The following CENPQ variants were observed in gnomAD, a reference collection of about 807,000 sequenced individuals.
CENPQ encodes centromere protein Q.
In CENPQ, 27 loss-of-function variants were observed where a neutral mutation model predicts 36.6. That is an observed-to-expected ratio of 0.74 (90% CI 0.54 to 1.02). The LOEUF (loss-of-function observed/expected upper bound fraction) is 1.02, where lower values mean the gene tolerates loss of function less well. CENPQ is among the 50% of genes least tolerant of loss of function. The probability of loss-of-function intolerance (pLI) is 0.00; values close to 1 mark genes in which losing one functional copy is unlikely to be tolerated. For synonymous variants in CENPQ, 101 were observed against 101.7 expected (o/e 0.99, Z 0.04); for missense variants, 306 against 301.8 (o/e 1.01, Z -0.10).
At chr6:49,465,412 A>C (rs537416702) in intron 1 of CENPQ, among the ~76,000 whole-genome samples, 2 of 152,368 alleles carry the variant, frequency 1.3e-5, no homozygotes, top group African/African-American at 2.4e-5. Context: ...ATTAGCCCCT[A>C]CAAGAGAGTC....
chr6:49,486,029 G>A (rs377464743), intron 6 of CENPQ, among the ~76,000 whole-genome samples: 46 of 152,112 alleles, frequency 3.0e-4, no homozygotes, highest in African/African-American at 9.9e-4. Context: ...ATCCTGTATC[G>A]TCACGGGTAC....
intron 8 of CENPQ, among the ~76,000 whole-genome samples, chr6:49,490,762 C>T (rs1768702075): frequency 6.6e-6 from 1 of 152,066 alleles, no homozygotes; most frequent in Non-Finnish European, 1.5e-5. Flanking sequence ...ATCGTTGTGT[C>T]ACAGGGAATA....
intron 5 of CENPQ, among the ~76,000 whole-genome samples, chr6:49,478,229 T>C (rs943209808): frequency 2.0e-5 from 3 of 152,236 alleles, no homozygotes; most frequent in African/African-American, 7.2e-5. Context: ...TCTGAAAGTA[T>C]ATTTGAAACA....
chr6:49,477,071 T>C (rs563706876), intron 5 of CENPQ, among the ~76,000 whole-genome samples: 1 of 152,294 alleles, frequency 6.6e-6, no homozygotes, highest in Admixed American at 6.5e-5. Flanking sequence ...CATTACTGGG[T>C]ATATACTCAA....
At position 49,465,303 on chromosome 6, in the gene CENPQ, C is replaced by A. The variant is rs113785666; in HGVS notation, c.-19+1850C>A. Among the ~76,000 whole-genome samples, 108 of 152,290 alleles carry A rather than the reference C, an allele frequency of 7.1e-4. 1 individual carries two copies. Among genetic ancestry groups the A allele is most frequent in the African/African-American group, 2.5e-3 (103 of 41,566 alleles). ...GATGTGCTGTCACTCATGCTTTGTT[C>A]TTCCATTTCCAGAGCACAGACAGAG... On this transcript the variant is annotated intron_variant, in intron 1 of 8. Coordinates refer to ENST00000335783, the MANE Select transcript of CENPQ (RefSeq NM_018132.4).
At chr6:49,485,924 T>C (rs1768566517) in intron 6 of CENPQ, among the ~76,000 whole-genome samples, 1 of 152,190 alleles carries the variant, frequency 6.6e-6, no homozygotes, top group African/African-American at 2.4e-5. Flanking sequence ...ATTTAACCCT[T>C]TTGTTCATTC....
chr6:49,481,657 C>T (rs901703123), intron 6 of CENPQ, among the ~76,000 whole-genome samples: 2 of 152,052 alleles, frequency 1.3e-5, no homozygotes, highest in South Asian at 2.1e-4. Context: ...TTGGTAGAGC[C>T]GAGTGGTCTG....
chr6:49,472,043 T>C lies in CENPQ; in HGVS notation c.158-20T>C, dbSNP rs201423534. On this transcript the variant is annotated intron_variant, in intron 3 of 8. Coordinates refer to ENST00000335783, the MANE Select transcript of CENPQ (RefSeq NM_018132.4). ...TAAAACATCTAGATTGATCAGAGCCTCTTCTATTACTAACGACAGGACAAA... is the reference window on the plus strand; with the variant it reads ...TAAAACATCTAGATTGATCAGAGCCCCTTCTATTACTAACGACAGGACAAA... The C allele has an allele frequency of 5.3e-5, 85 of 1,598,758 alleles. No individual in the cohort carries two copies. Among genetic ancestry groups the C allele is most frequent in the Middle Eastern group, 3.3e-4 (2 of 5,974 alleles).
chr6:49,474,172 T>G (rs925207023), intron 5 of CENPQ, among the ~76,000 whole-genome samples: 12 of 152,192 alleles, frequency 7.9e-5, no homozygotes, highest in African/African-American at 2.9e-4. Flanking sequence ...GCAGACCTAA[T>G]AGACATCTAA....
At chr6:49,479,382 C>A (rs1014840212) in intron 5 of CENPQ, among the ~76,000 whole-genome samples, 1 of 151,996 alleles carries the variant, frequency 6.6e-6, no homozygotes, top group Non-Finnish European at 1.5e-5. Flanking sequence ...GAAAAAAATG[C>A]TCTCAACATC....
rs192715628 is a variant in CENPQ, at chr6:49,479,237, C to T, written c.348-1714C>T. On this transcript the variant is annotated intron_variant, in intron 5 of 8. Coordinates refer to ENST00000335783, the MANE Select transcript of CENPQ (RefSeq NM_018132.4). Reference sequence around the variant, plus strand: ...TTTTATTTGCAAACAATGCATCAAACAAAGGTCTGTATCAAGACTCTATTA... The same window carrying T: ...TTTTATTTGCAAACAATGCATCAAATAAAGGTCTGTATCAAGACTCTATTA... Among the ~76,000 whole-genome samples the T allele has an allele frequency of 2.9e-3, 437 of 151,974 alleles. 1 individual carries two copies. Among genetic ancestry groups the T allele is most frequent in the African/African-American group, 6.8e-3 (283 of 41,448 alleles).
chr6:49,470,981 A>T lies in CENPQ; in HGVS notation c.110A>T (p.Asn37Ile). The change falls in exon 3 of 9, where the codon AAC (asparagine) becomes ATC (isoleucine). Residue 37 changes from asparagine to isoleucine, a missense_variant. Asn to Ile is a moderately radical substitution (Grantham distance 149). Transcript: ENST00000335783. ...EVVLSENKVRNTVKKNKNHLK... is the reference protein window; with the variant it reads ...EVVLSENKVRITVKKNKNHLK... ...ATGTGTTTTTCCCTCTAGGTTAGAAACACAGTGAAAAAAAATAAAAATCAT... is the reference window on the plus strand; with the variant it reads ...ATGTGTTTTTCCCTCTAGGTTAGAATCACAGTGAAAAAAAATAAAAATCAT... 2 of 1,521,510 alleles carry T rather than the reference A, an allele frequency of 1.3e-6. No homozygotes were observed. Among genetic ancestry groups the T allele is most frequent in the South Asian group, 2.6e-5 (2 of 77,042 alleles). 94.3% of individuals were successfully genotyped at this position (1,521,510 alleles called of 1,614,324 possible).
chr6:49,479,061 C>T (rs966447067), intron 5 of CENPQ, among the ~76,000 whole-genome samples: 1 of 151,990 alleles, frequency 6.6e-6, no homozygotes, highest in Admixed American at 6.6e-5. Flanking sequence ...AAACTTATTC[C>T]TCTTAGGAAA....
Position 49,483,154 on chromosome 6 carries a change from G to A in CENPQ, c.477+2074G>A, listed in dbSNP as rs559801411. On this transcript the variant is annotated intron_variant, in intron 6 of 8. Coordinates refer to ENST00000335783, the MANE Select transcript of CENPQ (RefSeq NM_018132.4). The stretch of plus-strand genomic sequence containing the variant: ...ATAATCCCTGAGAGCTAGACACAAA[G>A]GTTCTCCACGTCCCCACCAGAGTAG... 9.2e-5 allele frequency among the ~76,000 whole-genome samples: 14 copies of A among 152,244 alleles called. No homozygotes were observed. The East Asian group carries it at 2.7e-3, about 30-fold the overall frequency.
intron 8 of CENPQ, among the ~76,000 whole-genome samples, chr6:49,491,536 A>C (rs889670334): frequency 2.0e-5 from 3 of 152,170 alleles, no homozygotes; most frequent in African/African-American, 7.2e-5. Flanking sequence ...GTAGTAAACT[A>C]TTTCTTCCAA....
At chr6:49,477,575 A>G (rs983573629) in intron 5 of CENPQ, among the ~76,000 whole-genome samples, 6 of 152,140 alleles carry the variant, frequency 3.9e-5, no homozygotes, top group South Asian at 4.1e-4. Context: ...ATAAAAAAAA[A>G]AAAAAGAAAA....
rs549753621 is a variant in CENPQ, at chr6:49,466,432, C to G, written c.-19+2979C>G. Among the ~76,000 whole-genome samples the G allele has an allele frequency of 2.4e-4, 37 of 152,236 alleles. No homozygotes were observed. In the South Asian group the frequency reaches 7.5e-3, roughly 31 times the overall value. ...CAACAACAACAAAATACAGTGTCTG[C>G]GAGGCTCAATAAAGTGAAACACAAT... On this transcript the variant is annotated intron_variant, in intron 1 of 8. Coordinates refer to ENST00000335783, the MANE Select transcript of CENPQ (RefSeq NM_018132.4).
rs368106325 is a variant in CENPQ, at chr6:49,474,383, A to G, written c.347+1525A>G. The stretch of plus-strand genomic sequence containing the variant: ...GAAACTCACTCAAAACCACTCAACT[A>G]CATGGAAACTGAACAACCTGCTCCT... On this transcript the variant is annotated intron_variant, in intron 5 of 8. Transcript: ENST00000335783. Among the ~76,000 whole-genome samples, 74 of 152,268 alleles carry G rather than the reference A, an allele frequency of 4.9e-4. No homozygotes were observed. The East Asian group carries it at 0.014, about 29-fold the overall frequency.
At chr6:49,472,914 C>CT (rs576432139) in intron 5 of CENPQ, 56 bp downstream of exon 5, 1,082 of 1,169,160 alleles carry the variant, frequency 9.3e-4, no homozygotes, top group Non-Finnish European at 1.1e-3. Flanking sequence ...AACCTGACTT[C>CT]TTTCTATGTT....
Sources: gnomAD v4.1 joint callset for allele counts (sites outside exome capture counted in the v4.1 genomes callset) on GRCh38, gnomAD v4.1.1 for gene constraint, MANE v1.5 for transcripts, NCBI Gene and HGNC (gene_info 2026-07-23, HGNC 2026-07-21) for gene names.